The following DNAJC1 variants were observed in gnomAD, a reference collection of about 807,000 sequenced individuals.
DNAJC1 encodes DnaJ heat shock protein family (Hsp40) member C1.
In DNAJC1, 58 loss-of-function variants were observed where a neutral mutation model predicts 76.6. That is an observed-to-expected ratio of 0.76 (90% CI 0.61 to 0.94). DNAJC1 has a LOEUF of 0.94. Among genes scored for constraint, DNAJC1 ranks in the 40% least tolerant of loss-of-function variants. The probability of loss-of-function intolerance (pLI) is 0.00; values close to 1 mark genes in which losing one functional copy is unlikely to be tolerated. For synonymous variants in DNAJC1, 258 were observed against 267.9 expected (o/e 0.96, Z 0.36); for missense variants, 689 against 677.3 (o/e 1.02, Z -0.19).
At chr10:21,980,988 T>C (rs557300617) in intron 1 of DNAJC1, among the ~76,000 whole-genome samples, 27 of 152,264 alleles carry the variant, frequency 1.8e-4, no homozygotes, top group Admixed American at 1.1e-3. Flanking sequence ...GGAGTGTTTA[T>C]AATACATTGA....
chr10:21,863,606 T>C (rs1216689133), intron 8 of DNAJC1, among the ~76,000 whole-genome samples: 1 of 152,122 alleles, frequency 6.6e-6, no homozygotes, highest in Admixed American at 6.5e-5. Flanking sequence ...AAAGAAAATT[T>C]GCAGACTAAA....
chr10:21,778,227 A>C lies in DNAJC1; in HGVS notation c.1099-11918T>G, dbSNP rs576752363. On this transcript the variant is annotated intron_variant, in intron 9 of 11. Transcript: ENST00000376980. ...AAAAAAAATGCTGATATTACAGATGAGAAAACTGACTGAAGCTCAGAGCAA... is the reference window on the plus strand; with the variant it reads ...AAAAAAAATGCTGATATTACAGATGCGAAAACTGACTGAAGCTCAGAGCAA... 7.7e-4 allele frequency among the ~76,000 whole-genome samples: 118 copies of C among 152,308 alleles called. No homozygotes were observed. The Middle Eastern group carries it at 0.01, about 13-fold the overall frequency.
intron 1 of DNAJC1, among the ~76,000 whole-genome samples, chr10:21,984,031 A>G (rs1250479345): frequency 6.6e-6 from 1 of 152,218 alleles, no homozygotes; most frequent in Non-Finnish European, 1.5e-5. Context: ...TGCAGTTAAC[A>G]GTATGAGCAG....
At chr10:21,922,683 G>A (rs1837059676) in intron 3 of DNAJC1, among the ~76,000 whole-genome samples, 1 of 151,878 alleles carries the variant, frequency 6.6e-6, no homozygotes, top group Non-Finnish European at 1.5e-5. Flanking sequence ...AAATGTATAG[G>A]TAAAAAGGTT....
chr10:21,766,369 A>G (rs1220487810), intron 9 of DNAJC1, 60 bp from the exon 10 acceptor site: 1 of 1,260,296 alleles, frequency 7.9e-7, no homozygotes, highest in East Asian at 2.3e-5. Context: ...ATGCTGAGTG[A>G]AACGATTCCA....
chr10:21,962,735 G>A (rs779545272), intron 1 of DNAJC1, among the ~76,000 whole-genome samples: 4 of 146,218 alleles, frequency 2.7e-5, no homozygotes, highest in Admixed American at 7.0e-5. Context: ...GACTTTTTTC[G>A]TGTGTTATGT....
At chr10:21,966,536 TG>T (rs2131823613) in intron 1 of DNAJC1, among the ~76,000 whole-genome samples, 1 of 152,200 alleles carries the variant, frequency 6.6e-6, no homozygotes, top group South Asian at 2.1e-4. Flanking sequence ...TATTTATTTA[TG>T]TAGGTATAAA....
rs187582073 is a variant in DNAJC1 at position 21,776,479 on chromosome 10, A to G, written c.1099-10170T>C. On this transcript the variant is annotated intron_variant, in intron 9 of 11. Transcript: ENST00000376980. ...CATTTGTTAAATTTACTCTTGGTCA[A>G]CTTTCCACTTGAATTTAGCCCTCAT... is the stretch of plus-strand genomic sequence containing the variant. Among the ~76,000 whole-genome samples, 27 of 152,324 alleles carry G rather than the reference A, an allele frequency of 1.8e-4. No homozygotes were observed. The East Asian group carries it at 4.6e-3, about 26-fold the overall frequency.
intron 8 of DNAJC1, among the ~76,000 whole-genome samples, chr10:21,829,830 C>A (rs894250608): frequency 3.3e-5 from 5 of 152,128 alleles, no homozygotes; most frequent in Admixed American, 3.3e-4. Flanking sequence ...TTAATTTATG[C>A]CATTTACCAT....
chr10:21,942,710 G>A (rs1179240432), intron 1 of DNAJC1, among the ~76,000 whole-genome samples: 2 of 151,234 alleles, frequency 1.3e-5, no homozygotes, highest in African/African-American at 4.9e-5. Flanking sequence ...GGATGCTGAG[G>A]CAGGAGAATG....
At chr10:21,765,365 T>G (rs1220597345) in intron 10 of DNAJC1, among the ~76,000 whole-genome samples, 1 of 152,064 alleles carries the variant, frequency 6.6e-6, no homozygotes. Flanking sequence ...CACGCCCGGC[T>G]GGGGTGGCTT....
At chr10:21,978,925 T>A (rs988844163) in intron 1 of DNAJC1, among the ~76,000 whole-genome samples, 19 of 152,076 alleles carry the variant, frequency 1.2e-4, no homozygotes, top group African/African-American at 4.6e-4. Context: ...GTCACTGAGG[T>A]GTAATCGGTT....
chr10:21,883,430 A>G (rs1271938407), intron 7 of DNAJC1, among the ~76,000 whole-genome samples: 1 of 152,214 alleles, frequency 6.6e-6, no homozygotes, highest in Non-Finnish European at 1.5e-5. Context: ...TATACTGCCA[A>G]TGTAACAAAA....
intron 10 of DNAJC1, 49 bp from the exon 11 acceptor site, chr10:21,759,667 G>A (rs778849411): frequency 6.4e-7 from 1 of 1,569,186 alleles, no homozygotes; most frequent in African/African-American, 1.4e-5. Flanking sequence ...GGTGAATTAA[G>A]GAGACGGTGA....
chr10:21,921,110 G>C (rs1172821812), intron 3 of DNAJC1, 147 bp from the exon 4 acceptor site: 1 of 732,594 alleles, frequency 1.4e-6, no homozygotes. Context: ...ATAATATCGA[G>C]TAAATTCAAA....
chr10:21,877,767 C>T (rs1836209471), intron 8 of DNAJC1, among the ~76,000 whole-genome samples: 1 of 152,030 alleles, frequency 6.6e-6, no homozygotes, highest in Non-Finnish European at 1.5e-5. Flanking sequence ...TACAGCTGAC[C>T]CTTGAACAAT....
chr10:21,771,587 C>T (rs1296022139), intron 9 of DNAJC1, among the ~76,000 whole-genome samples: 4 of 152,160 alleles, frequency 2.6e-5, no homozygotes, highest in African/African-American at 9.7e-5. Flanking sequence ...CAACCTCTGC[C>T]TCTGGGTTCA....
chr10:21,874,963 C>T (rs533748143), intron 8 of DNAJC1, among the ~76,000 whole-genome samples: 37 of 152,214 alleles, frequency 2.4e-4, no homozygotes, highest in Middle Eastern at 3.4e-3. Context: ...TCACTACAAC[C>T]TCTGCCTCCC....
intron 1 of DNAJC1, among the ~76,000 whole-genome samples, chr10:21,970,202 T>C (rs1407848442): frequency 6.6e-6 from 1 of 152,162 alleles, no homozygotes. Context: ...ATTAACATAA[T>C]TTTGTACTAT....
Sources: allele counts gnomAD v4.1 joint callset (sites outside exome capture counted in the v4.1 genomes callset), GRCh38; gene constraint gnomAD v4.1.1; transcripts MANE v1.5; gene names NCBI Gene and HGNC (gene_info 2026-07-23, HGNC 2026-07-21).